NPNT: variants seen among roughly 807,000 people sequenced by gnomAD.
NPNT encodes preosteoblast EGF-like repeat protein with MAM domain.
NPNT carries 45 observed loss-of-function variants against 68.6 expected under a neutral mutation model. That is an observed-to-expected ratio of 0.66 (90% confidence interval 0.52 to 0.84). NPNT has a LOEUF of 0.84. NPNT is among the 40% of genes least tolerant of loss of function. The probability of loss-of-function intolerance (pLI) is 0.00; values close to 1 mark genes in which losing one functional copy is unlikely to be tolerated. For missense variants in NPNT, 672 were observed against 714.8 expected, an observed-to-expected ratio of 0.94 and a Z score of 0.68; for synonymous variants, 233 against 253.3, an observed-to-expected ratio of 0.92 and a Z score of 0.76.
chr4:105,925,732 T>C (rs2149352418), intron 2 of NPNT, among the ~76,000 whole-genome samples: 1 of 152,312 alleles, frequency 6.6e-6, no homozygotes, highest in African/African-American at 2.4e-5. Context: ...CATTTCTTCC[T>C]GTCACCAACA....
In NPNT at chr4:105,971,186, A is replaced by T. The variant is rs551004514; in HGVS notation, c.*2196A>T. 2.2e-6 allele frequency: 1 copy of T among 455,526 alleles called. No individual in the cohort carries two copies. Among genetic ancestry groups the T allele is most frequent in the Admixed American group, 2.4e-5 (1 of 42,528 alleles). 28.2% of individuals were successfully genotyped at this position (455,526 alleles called of 1,614,324 possible). ...CTCTCTGCTTCGTGTGTGACAAGTT[A>T]TCTTGGCTGCTGAGAAAGAGTGCCC... On this transcript the variant is annotated 3_prime_UTR_variant, in exon 12 of 12. Coordinates refer to ENST00000379987, the MANE Select transcript of NPNT (RefSeq NM_001033047.3).
At chr4:105,916,509 A>G (rs560765574) in intron 2 of NPNT, among the ~76,000 whole-genome samples, 10 of 151,860 alleles carry the variant, frequency 6.6e-5, no homozygotes, top group African/African-American at 2.2e-4. Context: ...GGCCTGGGCC[A>G]CTGTACCCAG....
chr4:105,936,650 C>A (rs1578639943), intron 3 of NPNT, among the ~76,000 whole-genome samples: 1 of 152,124 alleles, frequency 6.6e-6, no homozygotes, highest in Middle Eastern at 3.2e-3. Flanking sequence ...GCAATAGAAC[C>A]CAAATATTTT....
intron 3 of NPNT, among the ~76,000 whole-genome samples, chr4:105,931,745 CAGG>C (rs1191722010): frequency 6.6e-5 from 10 of 150,568 alleles, no homozygotes; most frequent in Non-Finnish European, 1.0e-4. Context: ...GAGGCTGTGG[CAGG>C]AGAATGGTGT....
intron 8 of NPNT, among the ~76,000 whole-genome samples, chr4:105,954,215 C>T (rs1191702962): frequency 6.6e-6 from 1 of 152,174 alleles, no homozygotes; most frequent in Non-Finnish European, 1.5e-5. Flanking sequence ...GTACTGTGCT[C>T]CTCAGCCCAG....
In NPNT at chr4:105,970,199, G is replaced by A. The variant is rs200329085; in HGVS notation, c.*1209G>A. On this transcript the variant is annotated 3_prime_UTR_variant, in exon 12 of 12. Coordinates refer to ENST00000379987, the MANE Select transcript of NPNT (RefSeq NM_001033047.3). ...AGAGGCATGGGATGTGTTGGAACGGGATTTACACACACTGGAGGAGCAGGG... is the reference window on the plus strand; with the variant it reads ...AGAGGCATGGGATGTGTTGGAACGGAATTTACACACACTGGAGGAGCAGGG... 14 of 551,442 alleles carry A rather than the reference G, an allele frequency of 2.5e-5. No individual in the cohort carries two copies. In the East Asian group the frequency reaches 4.2e-4, roughly 17 times the overall value. 34.2% of individuals were successfully genotyped at this position (551,442 alleles called of 1,614,324 possible).
chr4:105,956,967 G>A (rs1028734311), intron 8 of NPNT, among the ~76,000 whole-genome samples: 3 of 152,072 alleles, frequency 2.0e-5, no homozygotes, highest in African/African-American at 4.8e-5. Context: ...AAACGTTCTG[G>A]GATTATTACT....
At position 105,970,408 on chromosome 4, in the gene NPNT, T is replaced by G. The variant is rs1416510007; in HGVS notation, c.*1418T>G. The G allele has an allele frequency of 2.9e-6, 2 of 701,096 alleles. No homozygotes were observed. Among genetic ancestry groups the G allele is most frequent in the African/African-American group, 3.5e-5 (2 of 57,220 alleles). The allele number at this position is 701,096 out of a possible 1,614,324, so 43.4% of individuals were successfully genotyped here. A position where few individuals can be genotyped will look rare whatever the true frequency, so the allele number is the denominator to read the frequency against. Reference sequence around the variant, plus strand: ...AGGAATCACAAAGATGATTAAAGGGTTGGAAAAAAAGATCTATGATGGAAA... The same window carrying G: ...AGGAATCACAAAGATGATTAAAGGGGTGGAAAAAAAGATCTATGATGGAAA... On this transcript the variant is annotated 3_prime_UTR_variant, in exon 12 of 12. Transcript: ENST00000379987.
At chr4:105,920,554 A>G (rs548407864) in intron 2 of NPNT, among the ~76,000 whole-genome samples, 1 of 152,188 alleles carries the variant, frequency 6.6e-6, no homozygotes, top group South Asian at 2.1e-4. Context: ...GAAAACAACA[A>G]TAGTGCTCAG....
intron 2 of NPNT, among the ~76,000 whole-genome samples, chr4:105,904,066 G>T (rs1434865924): frequency 6.6e-6 from 1 of 152,084 alleles, no homozygotes; most frequent in Non-Finnish European, 1.5e-5. Context: ...TTATAAGCGT[G>T]AGCCATCTTG....
rs769209524 is a variant in NPNT at position 105,938,359 on chromosome 4, A to G, written c.444A>G (p.Gln148=). ...CQYGCDVVKG[Q]IRCQCPSPGL... is the part of the protein sequence containing the mutation. ...ATGGCTGTGATGTTGTTAAAGGACAAATACGGTGCCAGTGCCCATCCCCTG... is the reference window on the plus strand; with the variant it reads ...ATGGCTGTGATGTTGTTAAAGGACAGATACGGTGCCAGTGCCCATCCCCTG... Residue 148 remains glutamine, a synonymous_variant, in exon 5 of 12, where the codon CAA becomes CAG. Coordinates refer to ENST00000379987, the MANE Select transcript of NPNT (RefSeq NM_001033047.3). 6.2e-7 allele frequency: 1 copy of G among 1,613,766 alleles called. No individual in the cohort carries two copies. Among genetic ancestry groups the G allele is most frequent in the Non-Finnish European group, 8.5e-7 (1 of 1,179,792 alleles).
intron 2 of NPNT, among the ~76,000 whole-genome samples, chr4:105,910,047 A>T (rs929436948): frequency 6.6e-6 from 1 of 151,822 alleles, no homozygotes; most frequent in Non-Finnish European, 1.5e-5. Context: ...ACATGAGAAG[A>T]TGGGCATACC....
intron 2 of NPNT, among the ~76,000 whole-genome samples, chr4:105,903,908 C>T (rs909489214): frequency 6.6e-6 from 1 of 151,872 alleles, no homozygotes; most frequent in African/African-American, 2.4e-5. Context: ...CCTCAGCCTC[C>T]TGAGTAGTTG....
chr4:105,927,314 G>T (rs752421525), intron 2 of NPNT, 22 bp from the exon 3 acceptor site: 27 of 1,510,406 alleles, frequency 1.8e-5, no homozygotes, highest in Non-Finnish European at 2.4e-5. Flanking sequence ...TAGAAATAAT[G>T]CATGCCATCT....
intron 2 of NPNT, among the ~76,000 whole-genome samples, chr4:105,922,372 C>A (rs891717706): frequency 1.6e-4 from 24 of 147,742 alleles, no homozygotes; most frequent in Non-Finnish European, 1.0e-4. Flanking sequence ...GACCCAGTTA[C>A]ATCACTTAAG....
At chr4:105,958,977 GT>G (rs1560540696) in intron 9 of NPNT, 50 bp from the exon 10 acceptor site, 2 of 1,195,014 alleles carry the variant, frequency 1.7e-6, no homozygotes, top group East Asian at 2.3e-5. Context: ...TTCATTTGTT[GT>G]TTTTTGTTGA....
chr4:105,960,200 G>A (rs78616685), intron 10 of NPNT, among the ~76,000 whole-genome samples: 14,302 of 152,118 alleles, frequency 0.094, 863 homozygotes, highest in African/African-American at 0.18. Context: ...CCTGATTCTA[G>A]ATTTTAAGAA....
intron 8 of NPNT, among the ~76,000 whole-genome samples, chr4:105,944,381 A>C (rs975526765): frequency 6.6e-6 from 1 of 152,154 alleles, no homozygotes; most frequent in Non-Finnish European, 1.5e-5. Context: ...TTAGGATAAC[A>C]GGGAAATTTG....
chr4:105,961,799 T>C (rs1731738870), intron 10 of NPNT, among the ~76,000 whole-genome samples: 1 of 152,202 alleles, frequency 6.6e-6, no homozygotes, highest in Non-Finnish European at 1.5e-5. Context: ...TTTTCTAGAA[T>C]TGGTCCAAGT....
Sources: gnomAD v4.1 joint callset for allele counts (sites outside exome capture counted in the v4.1 genomes callset) on GRCh38, gnomAD v4.1.1 for gene constraint, MANE v1.5 for transcripts, NCBI Gene and HGNC (gene_info 2026-07-23, HGNC 2026-07-21) for gene names.